The following ADARB2 variants were observed in gnomAD, a reference collection of about 807,000 sequenced individuals.
The protein encoded by ADARB2 is inactive double-stranded RNA-specific editase B2.
ADARB2 carries 25 observed loss-of-function variants against 62.2 expected under a neutral mutation model. The observed-to-expected ratio is 0.40, with a 90% CI of 0.29 to 0.56. ADARB2 has a LOEUF of 0.56. ADARB2 is among the 20% of genes least tolerant of loss of function. The pLI is 0.43. For synonymous variants in ADARB2, 572 were observed against 500.8 expected, an observed-to-expected ratio of 1.14 and a Z score of -1.90; for missense variants, 1,071 against 1,077.4, an observed-to-expected ratio of 0.99 and a Z score of 0.08.
At chr10:1,459,417 A>T (rs1398405986) in intron 1 of ADARB2, among the ~76,000 whole-genome samples, 1 of 152,202 alleles carries the variant, frequency 6.6e-6, no homozygotes, top group Non-Finnish European at 1.5e-5. Context: ...GCAAATTAAC[A>T]TGGGGTCAGA....
intron 1 of ADARB2, among the ~76,000 whole-genome samples, chr10:1,563,065 C>T (rs569755218): frequency 1.3e-5 from 2 of 151,858 alleles, no homozygotes; most frequent in East Asian, 1.9e-4. Context: ...GTCCTCCGCA[C>T]GTGACCTCCT....
At chr10:1,580,145 A>C (rs1375968948) in intron 1 of ADARB2, among the ~76,000 whole-genome samples, 1 of 152,178 alleles carries the variant, frequency 6.6e-6, no homozygotes, top group Non-Finnish European at 1.5e-5. Flanking sequence ...TCAGGAGTAC[A>C]TGTACGTGTT....
At chr10:1,722,168 C>G (rs537137219) in intron 1 of ADARB2, among the ~76,000 whole-genome samples, 2 of 152,132 alleles carry the variant, frequency 1.3e-5, no homozygotes, top group East Asian at 1.9e-4. Context: ...GGTGCTACAA[C>G]GTTACAACAT....
At chr10:1,579,187 C>T (rs2131999095) in intron 1 of ADARB2, among the ~76,000 whole-genome samples, 1 of 152,262 alleles carries the variant, frequency 6.6e-6, no homozygotes, top group African/African-American at 2.4e-5. Context: ...CGGTCACAGA[C>T]CTGTCATCTG....
chr10:1,319,257 A>C (rs1318241913), intron 3 of ADARB2, among the ~76,000 whole-genome samples: 1 of 152,244 alleles, frequency 6.6e-6, no homozygotes, highest in East Asian at 1.9e-4. Context: ...CTGTCACAAG[A>C]AAGCATGATC....
chr10:1,732,984 G>A (rs1443775352), intron 1 of ADARB2, among the ~76,000 whole-genome samples: 3 of 152,228 alleles, frequency 2.0e-5, no homozygotes, highest in Admixed American at 6.5e-5. Flanking sequence ...TGCTCAAAAT[G>A]TATTTTCAAG....
intron 7 of ADARB2, among the ~76,000 whole-genome samples, chr10:1,210,243 G>A (rs1837131326): frequency 6.6e-6 from 1 of 152,178 alleles, no homozygotes; most frequent in Non-Finnish European, 1.5e-5. Flanking sequence ...GTACCTTAAT[G>A]ATACATACAA....
rs540304745 is a variant in ADARB2 at position 1,364,569 on chromosome 10, G to A, written c.188-652C>T. Among the ~76,000 whole-genome samples, 8 of 152,346 alleles carry A rather than the reference G, an allele frequency of 5.3e-5. No individual in the cohort carries two copies. The South Asian group carries it at 1.7e-3, about 32-fold the overall frequency. ...TCCCCATCTAGGGATTCAACTAACT[G>A]TGGAGAGAAAGTATTCGGGAAAAAA... On this transcript the variant is annotated intron_variant, in intron 2 of 9. Transcript: ENST00000381312.
chr10:1,587,704 T>G (rs1485266814), intron 1 of ADARB2, among the ~76,000 whole-genome samples: 4 of 152,202 alleles, frequency 2.6e-5, no homozygotes, highest in Admixed American at 1.3e-4. Flanking sequence ...TATGGTTTGT[T>G]GTGTTCCCAC....
intron 1 of ADARB2, among the ~76,000 whole-genome samples, chr10:1,631,787 T>C (rs1051421161): frequency 6.6e-6 from 1 of 152,260 alleles, no homozygotes; most frequent in African/African-American, 2.4e-5. Flanking sequence ...ATGTATTTTT[T>C]AAATGGTAAT....
At chr10:1,212,263 GTC>G (rs1837164067) in intron 7 of ADARB2, among the ~76,000 whole-genome samples, 1 of 152,180 alleles carries the variant, frequency 6.6e-6, no homozygotes, top group African/African-American at 2.4e-5. Flanking sequence ...TTATCAGATG[GTC>G]TCTCTGTACA....
chr10:1,407,743 C>T (rs753758167), intron 1 of ADARB2, among the ~76,000 whole-genome samples: 16 of 152,138 alleles, frequency 1.1e-4, no homozygotes, highest in Non-Finnish European at 1.9e-4. Context: ...CAAGGTGGTG[C>T]CCTCCCCCAC....
intron 3 of ADARB2, among the ~76,000 whole-genome samples, chr10:1,354,186 G>A (rs141334904): frequency 5.4e-4 from 82 of 152,010 alleles, no homozygotes; most frequent in African/African-American, 1.1e-3. Flanking sequence ...CCACTATTTC[G>A]TTCTATTTTT....
At chr10:1,262,051 C>G (rs2131791332) in intron 4 of ADARB2, among the ~76,000 whole-genome samples, 1 of 145,354 alleles carries the variant, frequency 6.9e-6, no homozygotes, top group Non-Finnish European at 1.5e-5. Flanking sequence ...AACAAACAAC[C>G]AAACACCGCA....
intron 1 of ADARB2, among the ~76,000 whole-genome samples, chr10:1,476,612 C>A (rs1355440042): frequency 4.6e-5 from 7 of 152,166 alleles, no homozygotes; most frequent in African/African-American, 1.7e-4. Flanking sequence ...TAAAGACAGC[C>A]TTCTTTTTAT....
intron 1 of ADARB2, among the ~76,000 whole-genome samples, chr10:1,695,104 A>C (rs1238378270): frequency 1.3e-5 from 2 of 152,156 alleles, no homozygotes; most frequent in Non-Finnish European, 2.9e-5. Flanking sequence ...GCCTGAAAAC[A>C]GCGCATCTGT....
At chr10:1,688,320 G>C (rs1223605373) in intron 1 of ADARB2, among the ~76,000 whole-genome samples, 1 of 152,196 alleles carries the variant, frequency 6.6e-6, no homozygotes, top group South Asian at 2.1e-4. Flanking sequence ...TTGGGCATGG[G>C]TGGGCAGAGT....
chr10:1,541,528 T>C (rs1832428345), intron 1 of ADARB2, among the ~76,000 whole-genome samples: 1 of 37,090 alleles, frequency 2.7e-5, no homozygotes, highest in Non-Finnish European at 4.7e-5. Context: ...GTTCGGACCC[T>C]GGATCACAGC....
At chr10:1,488,780 A>C (rs1486860680) in intron 1 of ADARB2, among the ~76,000 whole-genome samples, 1 of 152,182 alleles carries the variant, frequency 6.6e-6, no homozygotes, top group Non-Finnish European at 1.5e-5. Context: ...CTAACAGCAT[A>C]CGTGTATCTG....
Sources: gnomAD v4.1 joint callset for allele counts (sites outside exome capture counted in the v4.1 genomes callset) on GRCh38, gnomAD v4.1.1 for gene constraint, MANE v1.5 for transcripts, NCBI Gene and HGNC (gene_info 2026-07-23, HGNC 2026-07-21) for gene names.